LINGO2: variants seen among roughly 807,000 people sequenced by gnomAD.
LINGO2 encodes leucine rich repeat and Ig domain containing 2, also known as leucine-rich repeat and immunoglobulin-like domain-containing nogo receptor-interacting protein 2.
A neutral mutation model predicts 30.6 loss-of-function variants in LINGO2; 14 were observed. That is an observed-to-expected ratio of 0.46 (90% CI 0.30 to 0.72). The LOEUF is 0.72. Among genes scored for constraint, LINGO2 ranks in the 30% least tolerant of loss-of-function variants. The pLI is 0.07. For missense variants in LINGO2, 729 were observed against 751.7 expected (o/e 0.97, Z 0.35); for synonymous variants, 317 against 288.5 (o/e 1.10, Z -1.00).
chr9:28,981,822 C>G, the LINGO2 span, among the ~76,000 whole-genome samples: 5 of 152,076 alleles, frequency 3.3e-5, no homozygotes, highest in Non-Finnish European at 5.9e-5. Context: ...ATAAATCAGG[C>G]TCCATTTCTA....
At chr9:28,439,283 G>T (rs552854474) in intron 2 of LINGO2, among the ~76,000 whole-genome samples, 216 of 151,764 alleles carry the variant, frequency 1.4e-3, no homozygotes, top group Non-Finnish European at 2.8e-3. Context: ...ATGTGTGTGT[G>T]TGTGTGTTTC....
chr9:28,284,184 G>C (rs901699670), intron 4 of LINGO2, among the ~76,000 whole-genome samples: 1 of 152,116 alleles, frequency 6.6e-6, no homozygotes, highest in Non-Finnish European at 1.5e-5. Context: ...ACCTCACTGA[G>C]GGGAAAAGTG....
intron 5 of LINGO2, among the ~76,000 whole-genome samples, chr9:27,981,570 G>GAA (rs147823149): frequency 3.9e-5 from 4 of 101,506 alleles, no homozygotes; most frequent in Admixed American, 1.0e-4. Flanking sequence ...GAAAAAAAAA[G>GAA]AAAAAAAAAA....
the LINGO2 span, among the ~76,000 whole-genome samples, chr9:28,740,867 A>G: frequency 6.6e-6 from 1 of 152,050 alleles, no homozygotes; most frequent in African/African-American, 2.4e-5. Context: ...CATGTGTACA[A>G]TAGATCTTTT....
At chr9:28,882,542 C>A in the LINGO2 span, among the ~76,000 whole-genome samples, 3 of 152,116 alleles carry the variant, frequency 2.0e-5, no homozygotes, top group African/African-American at 7.2e-5. Flanking sequence ...TTCTATAGAA[C>A]CAAGTTAGCA....
chr9:29,062,801 A>G, the LINGO2 span, among the ~76,000 whole-genome samples: 2 of 152,182 alleles, frequency 1.3e-5, no homozygotes, highest in African/African-American at 4.8e-5. Flanking sequence ...GATTATAAAG[A>G]AAATAAGCAT....
intron 4 of LINGO2, among the ~76,000 whole-genome samples, chr9:28,211,925 T>C (rs1820605936): frequency 1.3e-5 from 2 of 151,378 alleles, no homozygotes; most frequent in South Asian, 4.2e-4. Context: ...ATTCTCATGC[T>C]TAATTTTTTT....
At chr9:28,687,728 A>C in the LINGO2 span, among the ~76,000 whole-genome samples, 1 of 152,268 alleles carries the variant, frequency 6.6e-6, no homozygotes, top group East Asian at 1.9e-4. Flanking sequence ...ACAGTATGAA[A>C]AAGTCCTGAC....
intron 2 of LINGO2, among the ~76,000 whole-genome samples, chr9:28,459,921 T>G (rs1292268441): frequency 6.6e-6 from 1 of 152,126 alleles, no homozygotes; most frequent in Non-Finnish European, 1.5e-5. Flanking sequence ...ATATGTCCAA[T>G]AAAAACCAAT....
At chr9:29,213,091 C>G in the LINGO2 span, among the ~76,000 whole-genome samples, 1 of 152,268 alleles carries the variant, frequency 6.6e-6, no homozygotes, top group South Asian at 2.1e-4. Context: ...CATAGAGGCG[C>G]CTCCAAGCCT....
At chr9:28,609,858 A>G (rs537194869) in intron 1 of LINGO2, among the ~76,000 whole-genome samples, 2 of 152,282 alleles carry the variant, frequency 1.3e-5, no homozygotes, top group African/African-American at 2.4e-5. Context: ...CTTCAATATG[A>G]AAATGACTAA....
chr9:29,077,559 T>C, the LINGO2 span, among the ~76,000 whole-genome samples: 1 of 152,058 alleles, frequency 6.6e-6, no homozygotes, highest in Non-Finnish European at 1.5e-5. Flanking sequence ...CAAATGTCTT[T>C]TGCATTGAGC....
intron 1 of LINGO2, among the ~76,000 whole-genome samples, chr9:28,590,500 T>G (rs977958138): frequency 6.6e-6 from 1 of 151,790 alleles, no homozygotes; most frequent in Non-Finnish European, 1.5e-5. Flanking sequence ...GGGCGAAGGA[T>G]ATGAACAGAC....
At chr9:28,940,470 T>TG in the LINGO2 span, among the ~76,000 whole-genome samples, 5 of 151,396 alleles carry the variant, frequency 3.3e-5, no homozygotes, top group Non-Finnish European at 7.4e-5. Context: ...CCCCATATGT[T>TG]TTTTTTAACT....
the LINGO2 span, among the ~76,000 whole-genome samples, chr9:28,915,799 A>G: frequency 6.6e-6 from 1 of 152,182 alleles, no homozygotes; most frequent in Non-Finnish European, 1.5e-5. Context: ...CCCTGTCCTG[A>G]GAGTTTAGAA....
Position 28,405,210 on chromosome 9 carries a change from C to T in LINGO2, c.-278-32342G>A, listed in dbSNP as rs73435248. 1.4e-3 allele frequency among the ~76,000 whole-genome samples: 212 copies of T among 152,118 alleles called. 2 individuals are homozygous for T. Among genetic ancestry groups the T allele is most frequent in the African/African-American group, 4.8e-3 (198 of 41,504 alleles). On this transcript the variant is annotated intron_variant, in intron 2 of 5. Coordinates refer to ENST00000379992, the Ensembl canonical transcript of LINGO2. ...AAGAACACTAATATATATTACGTAA[C>T]TTGTATATTTAATTTAAGGCATTTT...
intron 4 of LINGO2, among the ~76,000 whole-genome samples, chr9:28,172,818 A>C (rs1319657078): frequency 6.6e-6 from 1 of 152,182 alleles, no homozygotes; most frequent in Non-Finnish European, 1.5e-5. Flanking sequence ...AATCTTCTAC[A>C]AATGAATGTT....
At chr9:28,764,956 T>G in the LINGO2 span, among the ~76,000 whole-genome samples, 1 of 151,946 alleles carries the variant, frequency 6.6e-6, no homozygotes, top group African/African-American at 2.4e-5. Flanking sequence ...GTGAAACACC[T>G]AAACACTGAA....
chr9:29,081,841 A>G, the LINGO2 span, among the ~76,000 whole-genome samples: 28,306 of 149,376 alleles, frequency 0.19, 2,819 homozygotes, highest in African/African-American at 0.23. Context: ...GCTTCAAAGC[A>G]AATAAAATAC....
Sources: allele counts gnomAD v4.1 joint callset (sites outside exome capture counted in the v4.1 genomes callset), GRCh38; gene constraint gnomAD v4.1.1; transcripts MANE v1.5; gene names NCBI Gene and HGNC (gene_info 2026-07-23, HGNC 2026-07-21).